The following CBL variants were observed in gnomAD, a reference collection of about 807,000 sequenced individuals.
CBL encodes the protein E3 ubiquitin-protein ligase CBL.
In CBL, 45 loss-of-function variants were observed where a neutral mutation model predicts 96.9. The observed-to-expected ratio is 0.46, with a 90% CI of 0.37 to 0.60. The LOEUF (loss-of-function observed/expected upper bound fraction) is 0.60. Ranked by LOEUF, CBL falls within the 20% of genes least tolerant of loss-of-function variation. CBL has a pLI of 0.00. For synonymous variants in CBL, 420 were observed against 426.8 expected, an observed-to-expected ratio of 0.98 and a Z score of 0.20; for missense variants, 1,024 against 1,143.5, an observed-to-expected ratio of 0.90 and a Z score of 1.51.
In CBL at chr11:119,283,625, C is replaced by CTTTTTTTTT. The variant is rs398017760; in HGVS notation, c.1432-1322_1432-1314dup. Among the ~76,000 whole-genome samples, 64 of 45,532 alleles carry CTTTTTTTTT rather than the reference C, an allele frequency of 1.4e-3. 5 individuals are homozygous for CTTTTTTTTT. The highest frequency in any genetic ancestry group is 4.1e-3 in the East Asian group (6 of 1,472). 29.9% of individuals were successfully genotyped at this position (45,532 alleles called of 152,430 possible). A position where few individuals can be genotyped will look rare whatever the true frequency, so the allele number is the denominator to read the frequency against. On this transcript the variant is annotated intron_variant, in intron 9 of 15. Coordinates refer to ENST00000264033, the MANE Select transcript of CBL (RefSeq NM_005188.4). ...AAATATTAATCCTTTTTAATTCTTT[C>CTTTTTTTTT]TTTTTTTTTTTTTTTTTTTTTTTTT...
At chr11:119,237,903 ACT>A (rs1220179222) in intron 2 of CBL, among the ~76,000 whole-genome samples, 2 of 151,582 alleles carry the variant, frequency 1.3e-5, no homozygotes, top group African/African-American at 4.9e-5. Context: ...ATGAAGTCTC[ACT>A]CTGTCACCCA....
At chr11:119,213,358 A>G (rs1239123251) in intron 1 of CBL, among the ~76,000 whole-genome samples, 2 of 152,028 alleles carry the variant, frequency 1.3e-5, no homozygotes, top group Non-Finnish European at 2.9e-5. Context: ...GTATTGTCAC[A>G]CTCTAGGAGA....
chr11:119,283,050 G>A (rs1453704235), intron 9 of CBL, among the ~76,000 whole-genome samples: 1 of 152,194 alleles, frequency 6.6e-6, no homozygotes, highest in East Asian at 1.9e-4. Flanking sequence ...CACCATGTTT[G>A]TGCCACTGCA....
chr11:119,242,278 C>T (rs1283593619), intron 2 of CBL, among the ~76,000 whole-genome samples: 1 of 152,024 alleles, frequency 6.6e-6, no homozygotes, highest in Non-Finnish European at 1.5e-5. Context: ...CACAGTGGCT[C>T]ACGATTGTAA....
chr11:119,227,123 C>T (rs1474919259), intron 1 of CBL, among the ~76,000 whole-genome samples: 1 of 147,670 alleles, frequency 6.8e-6, no homozygotes, highest in African/African-American at 2.7e-5. Context: ...ATCCATATAA[C>T]CATTCTGCCA....
At chr11:119,264,656 T>G (rs2135290697) in intron 2 of CBL, among the ~76,000 whole-genome samples, 1 of 150,598 alleles carries the variant, frequency 6.6e-6, no homozygotes, top group East Asian at 2.0e-4. Flanking sequence ...TGATTTTTGT[T>G]TTTTTTGTAG....
chr11:119,291,637 G>A (rs1267696276), intron 12 of CBL, among the ~76,000 whole-genome samples: 2 of 152,242 alleles, frequency 1.3e-5, no homozygotes, highest in African/African-American at 4.8e-5. Flanking sequence ...AAGCCCAGAA[G>A]GTCGAGGCTG....
chr11:119,285,135 C>T (rs1271991252), intron 10 of CBL, 35 bp downstream of exon 10: 4 of 1,614,102 alleles, frequency 2.5e-6, no homozygotes, highest in South Asian at 1.1e-5. Context: ...TTTTTGGATT[C>T]TTTGCTGTGT....
intron 1 of CBL, among the ~76,000 whole-genome samples, chr11:119,216,932 TAAGC>T (rs1407797933): frequency 6.6e-6 from 1 of 152,182 alleles, no homozygotes; most frequent in East Asian, 1.9e-4. Flanking sequence ...TTTATATACT[TAAGC>T]AAGTCGTTGA....
chr11:119,275,333 G>T (rs1197670913), intron 5 of CBL, among the ~76,000 whole-genome samples: 4 of 152,130 alleles, frequency 2.6e-5, no homozygotes, highest in African/African-American at 9.7e-5. Flanking sequence ...AGCTACTCAG[G>T]AGGCTGAGGC....
intron 3 of CBL, among the ~76,000 whole-genome samples, chr11:119,273,049 A>G (rs758915796): frequency 6.6e-6 from 1 of 151,416 alleles, no homozygotes; most frequent in Non-Finnish European, 1.5e-5. Context: ...ACAATCAATC[A>G]TAGCTCATCG....
At chr11:119,249,601 A>G (rs868848961) in intron 2 of CBL, among the ~76,000 whole-genome samples, 1 of 151,744 alleles carries the variant, frequency 6.6e-6, no homozygotes, top group African/African-American at 2.4e-5. Context: ...TTGAAATCAA[A>G]TAACAAAAGG....
At chr11:119,269,382 G>A (rs577603361) in intron 2 of CBL, among the ~76,000 whole-genome samples, 1 of 151,144 alleles carries the variant, frequency 6.6e-6, no homozygotes, top group South Asian at 2.1e-4. Flanking sequence ...CACCATGCCC[G>A]CCTAATTTTT....
At chr11:119,254,790 C>G (rs1267713426) in intron 2 of CBL, among the ~76,000 whole-genome samples, 1 of 151,898 alleles carries the variant, frequency 6.6e-6, no homozygotes, top group Non-Finnish European at 1.5e-5. Flanking sequence ...TTAGTAGAGA[C>G]GGGGTTTTGC....
chr11:119,214,922 A>C lies in CBL; in HGVS notation c.195+8310A>C, dbSNP rs993766661. 8.4e-4 allele frequency among the ~76,000 whole-genome samples: 103 copies of C among 122,154 alleles called. 1 individual carries two copies. The highest frequency in any genetic ancestry group is 6.5e-4 in the Non-Finnish European group (40 of 61,236). 80.1% of individuals were successfully genotyped at this position (122,154 alleles called of 152,430 possible). A position where few individuals can be genotyped will look rare whatever the true frequency, so the allele number is the denominator to read the frequency against. On this transcript the variant is annotated intron_variant, in intron 1 of 15. Coordinates refer to ENST00000264033, the MANE Select transcript of CBL (RefSeq NM_005188.4). Reference sequence around the variant, plus strand: ...TTTTTTTTTTTTTTTTTTTTTAGTGAGTGCTCATTAAGGTAACATTTACTA... The same window carrying C: ...TTTTTTTTTTTTTTTTTTTTTAGTGCGTGCTCATTAAGGTAACATTTACTA...
rs529905988 is a variant in CBL, at chr11:119,231,200, C to T, written c.196-1248C>T. Among the ~76,000 whole-genome samples the T allele has an allele frequency of 4.6e-5, 7 of 152,006 alleles. No individual in the cohort carries two copies. The East Asian group carries it at 5.8e-4, about 13-fold the overall frequency. ...GGCAGATCACCTAAGGTCAGGCATT[C>T]GAGACCAGCCTGGCCAACATGGCGA... On this transcript the variant is annotated intron_variant, in intron 1 of 15. Coordinates refer to ENST00000264033, the MANE Select transcript of CBL (RefSeq NM_005188.4).
chr11:119,263,590 G>A (rs1399062018), intron 2 of CBL, among the ~76,000 whole-genome samples: 1 of 152,148 alleles, frequency 6.6e-6, no homozygotes. Context: ...AGTAAAAAGG[G>A]CCATTGCTAT....
intron 1 of CBL, among the ~76,000 whole-genome samples, chr11:119,225,544 A>G (rs1235181830): frequency 6.6e-6 from 1 of 151,884 alleles, no homozygotes; most frequent in Non-Finnish European, 1.5e-5. Context: ...GACTACAGGC[A>G]TGTGCACCAC....
At chr11:119,258,477 A>G (rs1949728397) in intron 2 of CBL, among the ~76,000 whole-genome samples, 1 of 152,130 alleles carries the variant, frequency 6.6e-6, no homozygotes, top group South Asian at 2.1e-4. Context: ...GAACTCTATC[A>G]CTGTATAGTA....
Sources: allele counts gnomAD v4.1 joint callset (sites outside exome capture counted in the v4.1 genomes callset), GRCh38; gene constraint gnomAD v4.1.1; transcripts MANE v1.5; gene names NCBI Gene and HGNC (gene_info 2026-07-23, HGNC 2026-07-21).